Variants in ANKDD1A observed in about 807,000 individuals in gnomAD.
ANKDD1A encodes the protein ankyrin repeat and death domain-containing protein 1A.
ANKDD1A carries 59 observed loss-of-function variants against 63.5 expected under a neutral mutation model. That is an observed-to-expected ratio of 0.93 (90% CI 0.75 to 1.15). ANKDD1A has a LOEUF of 1.15. ANKDD1A is among the 50% of genes most tolerant of loss of function. ANKDD1A has a pLI of 0.00. For missense variants in ANKDD1A, 632 were observed against 656.4 expected (o/e 0.96, Z 0.41); for synonymous variants, 266 against 263.9 (o/e 1.01, Z -0.08).
At chr15:64,953,786 TTCTGC>T (rs1486034280) in intron 14 of ANKDD1A, among the ~76,000 whole-genome samples, 1,853 of 139,374 alleles carry the variant, frequency 0.013, 17 homozygotes, top group South Asian at 0.043. Flanking sequence ...CTTTTCTTTC[TTCTGC>T]TTTCTTCTTC....
Position 64,917,423 on chromosome 15 carries a change from G to T in ANKDD1A, c.176G>T (p.Gly59Val). The T allele has an allele frequency of 6.2e-7, 1 of 1,610,938 alleles. No homozygotes were observed. Among genetic ancestry groups the T allele is most frequent in the South Asian group, 1.1e-5 (1 of 90,502 alleles). ...GCCCTGCACTGGGCTGCAGGTGCAGGGCACGAGCAGGCTGTGCGTCTGCTT... is the reference window on the plus strand; with the variant it reads ...GCCCTGCACTGGGCTGCAGGTGCAGTGCACGAGCAGGCTGTGCGTCTGCTT... ...RVALHWAAGA[G>V]HEQAVRLLLE... is the part of the protein sequence containing the mutation. Residue 59 changes from glycine (G) to valine (V), a missense_variant, in exon 3 of 15, where the codon GGG becomes GTG. Gly to Val is a moderately radical substitution (Grantham distance 109). Transcript: ENST00000319580.
chr15:64,935,481 C>T (rs1398395323), intron 9 of ANKDD1A, among the ~76,000 whole-genome samples: 1 of 152,040 alleles, frequency 6.6e-6, no homozygotes, highest in African/African-American at 2.4e-5. Flanking sequence ...CGAGACCATC[C>T]TGGATAACAT....
At chr15:64,923,303 G>A (rs116520100) in intron 4 of ANKDD1A, among the ~76,000 whole-genome samples, 180 of 152,290 alleles carry the variant, frequency 1.2e-3, no homozygotes, top group African/African-American at 4.1e-3. Flanking sequence ...TTTTCCCCAA[G>A]AGCTTCCAGA....
chr15:64,947,706 TG>T (rs1167901818), intron 13 of ANKDD1A, 113 bp downstream of exon 13: 2 of 1,324,616 alleles, frequency 1.5e-6, no homozygotes, highest in African/African-American at 1.4e-5. Context: ...ACCCACAGCC[TG>T]GTCCCACACT....
At chr15:64,939,141 A>G (rs1003404583) in intron 9 of ANKDD1A, among the ~76,000 whole-genome samples, 5 of 151,634 alleles carry the variant, frequency 3.3e-5, no homozygotes, top group African/African-American at 1.2e-4. Context: ...ATATTCTAAA[A>G]TAAAAGTTTA....
At chr15:64,954,297 TTTCTTCTC>T (rs2085379554) in intron 14 of ANKDD1A, among the ~76,000 whole-genome samples, 2 of 22,344 alleles carry the variant, frequency 9.0e-5, no homozygotes, top group Non-Finnish European at 3.8e-4. Context: ...TAGTTCTCCT[TTTCTTCTC>T]CTTCTCTTCC....
At chr15:64,951,734 C>CCTTTTCTTTT (rs2085285175) in intron 14 of ANKDD1A, among the ~76,000 whole-genome samples, 1 of 26,590 alleles carries the variant, frequency 3.8e-5, no homozygotes, top group African/African-American at 1.3e-4. Flanking sequence ...TTTCTTCTTT[C>CCTTTTCTTTT]CTCCTTCTTC....
intron 11 of ANKDD1A, 128 bp from the exon 12 acceptor site, chr15:64,944,524 T>C: frequency 1.3e-6 from 1 of 775,678 alleles, no homozygotes. Context: ...CCAGAAAACC[T>C]TTCTGCTCTC....
chr15:64,916,061 G>A (rs2084966352), intron 2 of ANKDD1A, among the ~76,000 whole-genome samples, 161 bp downstream of exon 2: 1 of 152,186 alleles, frequency 6.6e-6, no homozygotes, highest in Non-Finnish European at 1.5e-5. Flanking sequence ...TTGTCTCGAG[G>A]AATCTGAGGC....
At chr15:64,940,639 C>T (rs954453641) in intron 9 of ANKDD1A, among the ~76,000 whole-genome samples, 15 of 151,340 alleles carry the variant, frequency 9.9e-5, no homozygotes, top group African/African-American at 1.9e-4. Flanking sequence ...GGGGTTTCAC[C>T]GTGTTAGCCA....
chr15:64,941,851 G>A (rs565041276), intron 9 of ANKDD1A, among the ~76,000 whole-genome samples: 2 of 152,230 alleles, frequency 1.3e-5, no homozygotes, highest in South Asian at 2.1e-4. Flanking sequence ...CTTGGAGTGA[G>A]GTATCTTTTC....
intron 1 of ANKDD1A, among the ~76,000 whole-genome samples, chr15:64,914,407 CTT>C (rs2084954825): frequency 6.6e-6 from 1 of 152,242 alleles, no homozygotes; most frequent in Non-Finnish European, 1.5e-5. Context: ...CTTGCCTTAG[CTT>C]CTTGAGTAGC....
At chr15:64,951,435 TCTTTCTTCTTCCC>T (rs2085274057) in intron 14 of ANKDD1A, 13 of 142,758 alleles carry the variant, frequency 9.1e-5, no homozygotes, top group Admixed American at 1.5e-4. Flanking sequence ...TTCTTCTTTT[TCTTTCTTCTTCCC>T]TTTCTTTTCT....
At position 64,957,098 on chromosome 15, in the gene ANKDD1A, C is replaced by G; in HGVS notation, c.1484-5C>G. The G allele has an allele frequency of 2.2e-6, 1 of 448,790 alleles. No individual in the cohort carries two copies. Among genetic ancestry groups the G allele is most frequent in the South Asian group, 1.6e-5 (1 of 63,918 alleles). 27.8% of individuals were successfully genotyped at this position (448,790 alleles called of 1,614,324 possible). A position where few individuals can be genotyped will look rare whatever the true frequency, so the allele number is the denominator to read the frequency against. On this transcript the variant is annotated splice_region_variant and splice_polypyrimidine_tract_variant and intron_variant, in intron 14 of 14. Transcript: ENST00000319580. ...TTTTTGAGACAGTCTTGCTCTCTCA[C>G]CCAGGCTGGAGTACAATGGCGAGAT...
intron 14 of ANKDD1A, among the ~76,000 whole-genome samples, chr15:64,952,273 TTTC>T (rs1411090788): frequency 2.3e-4 from 34 of 149,662 alleles, no homozygotes; most frequent in African/African-American, 6.6e-4. Context: ...TCTCCTTCTT[TTTC>T]TTCTTCCTTC....
intron 1 of ANKDD1A, 135 bp from the exon 2 acceptor site, chr15:64,915,662 G>A: frequency 1.5e-6 from 1 of 673,584 alleles, no homozygotes; most frequent in South Asian, 1.7e-5. Flanking sequence ...GGAGGGCTGT[G>A]CCGCTCTGCC....
At chr15:64,951,961 G>T (rs1296870636) in intron 14 of ANKDD1A, among the ~76,000 whole-genome samples, 15 of 124,894 alleles carry the variant, frequency 1.2e-4, no homozygotes, top group Admixed American at 3.4e-4. Context: ...CTTTCCTTCT[G>T]CTCTTCTTTC....
chr15:64,943,565 T>A lies in ANKDD1A; in HGVS notation c.1048T>A (p.Leu350Ile), dbSNP rs745559220. 3.7e-6 allele frequency: 6 copies of A among 1,614,142 alleles called. No homozygotes were observed. In the South Asian group the frequency reaches 6.6e-5, roughly 18 times the overall value. Reference sequence around the variant, plus strand: ...TATGCTCCTCATTGCTGGGGTTGACTTAAACCTGAGAGATAAGGTACCTCT... The same window carrying A: ...TATGCTCCTCATTGCTGGGGTTGACATAAACCTGAGAGATAAGGTACCTCT... Reference protein sequence around the residue: ...ADMLLIAGVDLNLRDKQGKTA... With the variant: ...ADMLLIAGVDINLRDKQGKTA... Residue 350 changes from leucine (L) to isoleucine (I), a missense_variant, in exon 11 of 15, where the codon TTA becomes ATA. Physicochemically the swap from Leu to Ile is conservative, Grantham distance 5 (BLOSUM62 2). Transcript: ENST00000319580.
Position 64,922,117 on chromosome 15 carries a change from C to T in ANKDD1A, c.366+98C>T, listed in dbSNP as rs57353708. The T allele has an allele frequency of 2.1e-3, 2,212 of 1,047,874 alleles. 44 individuals carry two copies. The African/African-American group carries it at 0.03, about 14-fold the overall frequency. The allele number at this position is 1,047,874 out of a possible 1,614,324, so 64.9% of individuals were successfully genotyped here. A position where few individuals can be genotyped will look rare whatever the true frequency, so the allele number is the denominator to read the frequency against. On this transcript the variant is annotated intron_variant, in intron 4 of 14. Coordinates refer to ENST00000319580, the MANE Select transcript of ANKDD1A (RefSeq NM_182703.6). ...TGTCCCCCACCCCTGCTTGCCCCTCCAGCCCCCAACCTGCCTCTGCCTGTC... is the reference window on the plus strand; with the variant it reads ...TGTCCCCCACCCCTGCTTGCCCCTCTAGCCCCCAACCTGCCTCTGCCTGTC...
Sources: gnomAD v4.1 joint callset for allele counts (sites outside exome capture counted in the v4.1 genomes callset) on GRCh38, gnomAD v4.1.1 for gene constraint, MANE v1.5 for transcripts, NCBI Gene and HGNC (gene_info 2026-07-23, HGNC 2026-07-21) for gene names.